FBXO42: variants seen among roughly 807,000 people sequenced by gnomAD.
The protein encoded by FBXO42 is F-box only protein 42.
Under a neutral mutation model 71.7 loss-of-function variants are expected in FBXO42, and 12 were observed. That is an observed-to-expected ratio of 0.17 (90% CI 0.11 to 0.27). The LOEUF (loss-of-function observed/expected upper bound fraction) is 0.27, where lower values mean the gene tolerates loss of function less well. FBXO42 is among the 10% of genes least tolerant of loss of function. FBXO42 has a pLI of 1.00. For synonymous variants in FBXO42, 325 were observed against 327.5 expected (o/e 0.99, Z 0.08); for missense variants, 707 against 911.9 (o/e 0.78, Z 2.89).
chr1:16,345,080 C>A (rs1378457708), intron 1 of FBXO42, among the ~76,000 whole-genome samples: 5 of 151,370 alleles, frequency 3.3e-5, no homozygotes, highest in Non-Finnish European at 5.9e-5. Flanking sequence ...GCCTGAGAGA[C>A]AGAGTGAGAC....
At chr1:16,268,231 C>T (rs920734276) in intron 4 of FBXO42, among the ~76,000 whole-genome samples, 1 of 152,184 alleles carries the variant, frequency 6.6e-6, no homozygotes, top group Admixed American at 6.6e-5. Flanking sequence ...AAATCCTTGT[C>T]AGCCCTGAGA....
chr1:16,306,805 ACTC>A (rs1307491908), intron 2 of FBXO42, among the ~76,000 whole-genome samples: 1 of 151,582 alleles, frequency 6.6e-6, no homozygotes, highest in African/African-American at 2.4e-5. Context: ...CTCAAGCAAT[ACTC>A]CTACCTCTGC....
At chr1:16,324,592 C>T (rs1026801878) in intron 1 of FBXO42, among the ~76,000 whole-genome samples, 4 of 152,098 alleles carry the variant, frequency 2.6e-5, no homozygotes, top group African/African-American at 9.7e-5. Context: ...CCAAAGCAGG[C>T]AGAAAACTTG....
chr1:16,295,097 G>A (rs571628109), intron 3 of FBXO42, among the ~76,000 whole-genome samples, 180 bp from the exon 4 acceptor site: 1 of 152,082 alleles, frequency 6.6e-6, no homozygotes. Context: ...TTTAAAACAA[G>A]GTCCAGAGGA....
chr1:16,316,183 AAAAAGAAAGAAAG>A, intron 1 of FBXO42, among the ~76,000 whole-genome samples: 1 of 151,422 alleles, frequency 6.6e-6, no homozygotes, highest in African/African-American at 2.4e-5. Flanking sequence ...AAAAAAAAAA[AAAAAGAAAGAAAG>A]AAAAGAAAGA....
In FBXO42 at chr1:16,311,350, T is replaced by C. The variant is rs548169779; in HGVS notation, c.250+3819A>G. Among the ~76,000 whole-genome samples, 16 of 150,482 alleles carry C rather than the reference T, an allele frequency of 1.1e-4. No homozygotes were observed. The South Asian group carries it at 3.3e-3, about 31-fold the overall frequency. Reference sequence around the variant, plus strand: ...AATAAATACAAAAATTAGCTGGGTGTGGTGGTACACACTTGTAGTCCCAGC... The same window carrying C: ...AATAAATACAAAAATTAGCTGGGTGCGGTGGTACACACTTGTAGTCCCAGC... On this transcript the variant is annotated intron_variant, in intron 2 of 9. Coordinates refer to ENST00000375592, the MANE Select transcript of FBXO42 (RefSeq NM_018994.3).
intron 4 of FBXO42, among the ~76,000 whole-genome samples, chr1:16,271,471 G>C (rs1355223063): frequency 6.6e-6 from 1 of 151,786 alleles, no homozygotes; most frequent in African/African-American, 2.4e-5. Flanking sequence ...AGTAGAGATG[G>C]GGTTTCACCA....
At chr1:16,343,128 T>C (rs1050883560) in intron 1 of FBXO42, among the ~76,000 whole-genome samples, 11 of 152,222 alleles carry the variant, frequency 7.2e-5, no homozygotes, top group Admixed American at 1.3e-4. Flanking sequence ...TACCATCTTT[T>C]GCCCTTCTGG....
chr1:16,344,621 C>A (rs1305537461), intron 1 of FBXO42, among the ~76,000 whole-genome samples: 1 of 151,788 alleles, frequency 6.6e-6, no homozygotes, highest in East Asian at 1.9e-4. Context: ...CAGGCGTGAG[C>A]CACAGCACCC....
chr1:16,296,278 TAAAC>T (rs955144658), intron 3 of FBXO42, among the ~76,000 whole-genome samples: 4 of 151,956 alleles, frequency 2.6e-5, no homozygotes, highest in Non-Finnish European at 5.9e-5. Context: ...TAAAATTAAG[TAAAC>T]AAAAAAGACT....
chr1:16,294,633 T>C (rs1233626806), intron 4 of FBXO42, 150 bp downstream of exon 4: 4 of 743,276 alleles, frequency 5.4e-6, no homozygotes, highest in Middle Eastern at 2.7e-4. Context: ...CACAAGCATA[T>C]TACTATTATC....
chr1:16,299,748 G>A (rs935420758), intron 3 of FBXO42, among the ~76,000 whole-genome samples: 3 of 152,018 alleles, frequency 2.0e-5, no homozygotes, highest in Non-Finnish European at 4.4e-5. Flanking sequence ...GGGTTCAAGC[G>A]ATTTTCCTGC....
intron 5 of FBXO42, 89 bp from the exon 6 acceptor site, chr1:16,255,910 T>A: frequency 3.5e-6 from 3 of 853,560 alleles, no homozygotes; most frequent in Non-Finnish European, 5.5e-6. Flanking sequence ...AAAATGATAA[T>A]CCTATCACTT....
At chr1:16,305,471 C>T (rs1433366381) in intron 3 of FBXO42, among the ~76,000 whole-genome samples, 1 of 152,126 alleles carries the variant, frequency 6.6e-6, no homozygotes, top group Non-Finnish European at 1.5e-5. Context: ...AATCCCAGCA[C>T]TCTGGGAGGC....
chr1:16,309,341 T>C (rs900807307), intron 2 of FBXO42, among the ~76,000 whole-genome samples: 2 of 151,752 alleles, frequency 1.3e-5, no homozygotes, highest in African/African-American at 4.8e-5. Context: ...CCTCCCAAAG[T>C]GCTGGGATTA....
At chr1:16,327,982 T>C (rs1410954050) in intron 1 of FBXO42, among the ~76,000 whole-genome samples, 4 of 152,194 alleles carry the variant, frequency 2.6e-5, no homozygotes, top group Non-Finnish European at 5.9e-5. Context: ...ATTACGTGTG[T>C]GACCCACTTT....
intron 2 of FBXO42, among the ~76,000 whole-genome samples, chr1:16,310,317 C>A (rs543999557): frequency 1.3e-5 from 2 of 151,188 alleles, no homozygotes; most frequent in African/African-American, 2.4e-5. Flanking sequence ...GCTGAGACTG[C>A]GCCACTGAAC....
chr1:16,297,240 A>G (rs1365212207), intron 3 of FBXO42, among the ~76,000 whole-genome samples: 4 of 151,860 alleles, frequency 2.6e-5, no homozygotes, highest in African/African-American at 2.4e-5. Flanking sequence ...CAATGCGCCC[A>G]GCCCCCCACC....
intron 3 of FBXO42, among the ~76,000 whole-genome samples, chr1:16,295,633 T>G (rs968578805): frequency 1.3e-5 from 2 of 152,168 alleles, no homozygotes; most frequent in African/African-American, 2.4e-5. Flanking sequence ...CCTCAGGTGA[T>G]CCACCCGCCT....
Sources: allele counts gnomAD v4.1 joint callset (sites outside exome capture counted in the v4.1 genomes callset), GRCh38; gene constraint gnomAD v4.1.1; transcripts MANE v1.5; gene names NCBI Gene and HGNC (gene_info 2026-07-23, HGNC 2026-07-21).